HMCN1: variants seen among roughly 807,000 people sequenced by gnomAD.
The protein encoded by HMCN1 is hemicentin 1, also known as hemicentin-1.
A neutral mutation model predicts 625.9 loss-of-function variants in HMCN1; 321 were observed. That is an observed-to-expected ratio of 0.51 (90% CI 0.47 to 0.56). HMCN1 has a LOEUF of 0.56. Among genes scored for constraint, HMCN1 ranks in the 20% least tolerant of loss-of-function variants. The probability of loss-of-function intolerance (pLI) is 0.00; values close to 1 mark genes in which losing one functional copy is unlikely to be tolerated. For synonymous variants in HMCN1, 2,425 were observed against 2,417.6 expected (o/e 1.00, Z -0.09); for missense variants, 6,588 against 6,887.3 (o/e 0.96, Z 1.54).
At chr1:186,019,390 T>TAA (rs1654567017) in intron 34 of HMCN1, 151 bp from the exon 35 acceptor site, 1 of 645,766 alleles carries the variant, frequency 1.5e-6, no homozygotes, top group Non-Finnish European at 2.7e-6. Flanking sequence ...AATTATAAAT[T>TAA]AAATGCACAT....
chr1:185,883,908 T>C (rs988638707), intron 4 of HMCN1, among the ~76,000 whole-genome samples: 7 of 142,306 alleles, frequency 4.9e-5, no homozygotes, highest in African/African-American at 1.8e-4. Flanking sequence ...TTTTTTTTGC[T>C]TTTTAGTATG....
chr1:186,023,697 A>G (rs139558761), intron 36 of HMCN1, among the ~76,000 whole-genome samples: 81 of 152,316 alleles, frequency 5.3e-4, no homozygotes, highest in African/African-American at 1.8e-3. Flanking sequence ...AAAGGCCAAT[A>G]ATTAGAGGGT....
chr1:186,117,199 CTTT>C, intron 76 of HMCN1, 84 bp downstream of exon 76: 1 of 1,257,174 alleles, frequency 8.0e-7, no homozygotes, highest in African/African-American at 1.6e-5. Flanking sequence ...GATCCCTTTT[CTTT>C]TTTTTTTTAA....
chr1:185,965,206 A>G (rs1480145083), intron 13 of HMCN1, among the ~76,000 whole-genome samples: 5 of 152,150 alleles, frequency 3.3e-5, no homozygotes, highest in Non-Finnish European at 5.9e-5. Context: ...GAGAATGTCT[A>G]TATTTAGCAT....
chr1:185,774,579 G>A (rs945461005), intron 1 of HMCN1, among the ~76,000 whole-genome samples: 12 of 152,146 alleles, frequency 7.9e-5, no homozygotes, highest in African/African-American at 2.2e-4. Flanking sequence ...GAATTGCTGA[G>A]CTGTTGGAGA....
intron 6 of HMCN1, among the ~76,000 whole-genome samples, chr1:185,919,613 G>A (rs1248876968): frequency 6.6e-6 from 1 of 152,028 alleles, no homozygotes; most frequent in African/African-American, 2.4e-5. Flanking sequence ...TCCTCCTATT[G>A]TGTAAAGCAG....
intron 1 of HMCN1, among the ~76,000 whole-genome samples, chr1:185,750,027 A>G (rs1654687989): frequency 6.6e-6 from 1 of 152,204 alleles, no homozygotes; most frequent in African/African-American, 2.4e-5. Context: ...AGTCCTGCAC[A>G]TGAATCTGTC....
intron 48 of HMCN1, 35 bp downstream of exon 48, chr1:186,062,635 C>T (rs1455509815): frequency 2.9e-6 from 4 of 1,362,774 alleles, no homozygotes; most frequent in Admixed American, 3.4e-5. Context: ...TGGTGCTCCC[C>T]CCACTCACTG....
rs74134355 is a variant in HMCN1, at chr1:185,896,965, A to C, written c.622-12372A>C. ...ATTTTCTCTTTTCCTTTAATTGGCA[A>C]AGTATTGATTTTTTAAGGTGATGCC... On this transcript the variant is annotated intron_variant, in intron 4 of 106. Coordinates refer to ENST00000271588, the MANE Select transcript of HMCN1 (RefSeq NM_031935.3). Among the ~76,000 whole-genome samples the C allele has an allele frequency of 7.6e-3, 1,156 of 152,302 alleles. 14 individuals are homozygous for C. Among genetic ancestry groups the C allele is most frequent in the African/African-American group, 0.025 (1,039 of 41,562 alleles).
At position 186,057,245 on chromosome 1, in the gene HMCN1, A is replaced by G. The variant is rs1167111929; in HGVS notation, c.7156A>G (p.Ile2386Val). 6 of 1,611,226 alleles carry G rather than the reference A, an allele frequency of 3.7e-6. No individual in the cohort carries two copies. The Admixed American group carries it at 5.0e-5, about 13-fold the overall frequency. ...YDLSVHAPPS[I>V]IGNHRSPENI... The stretch of plus-strand genomic sequence containing the variant: ...ATTTTGTCTTACAGCTCCTCCAAGC[A>G]TCATAGGAAACCACAGGTCACCTGA... The change falls in exon 46 of 107, where the codon ATC becomes GTC. Residue 2386 changes from isoleucine to valine, a missense_variant. Physicochemically the swap from Ile to Val is conservative, Grantham distance 29 (BLOSUM62 3). This residue lies in a region of HMCN1 where 4,628 missense variants were observed against 4,853.1 expected (regional missense o/e 0.95). Coordinates refer to ENST00000271588, the MANE Select transcript of HMCN1 (RefSeq NM_031935.3).
chr1:186,057,862 C>T (rs1657443801), intron 46 of HMCN1, among the ~76,000 whole-genome samples: 1 of 151,940 alleles, frequency 6.6e-6, no homozygotes, highest in Non-Finnish European at 1.5e-5. Context: ...ACTTTATTTT[C>T]AAGAGATATT....
rs144782511 is a variant in HMCN1 at position 186,037,156 on chromosome 1, G to GT, written c.5750-768dup. Among the ~76,000 whole-genome samples, 758 of 147,172 alleles carry GT rather than the reference G, an allele frequency of 5.2e-3. 1 individual carries two copies. The highest frequency in any genetic ancestry group is 0.015 in the African/African-American group (602 of 40,326). On this transcript the variant is annotated intron_variant, in intron 36 of 106. Transcript: ENST00000271588. ...TAAATGTAGCAAATCCTTAAAATGTGTTTTTTTTTTCTATCAACTTCAGAT... is the reference window on the plus strand; with the variant it reads ...TAAATGTAGCAAATCCTTAAAATGTGTTTTTTTTTTTCTATCAACTTCAGAT...
chr1:185,946,490 A>T (rs1668353700), intron 11 of HMCN1, among the ~76,000 whole-genome samples: 1 of 152,202 alleles, frequency 6.6e-6, no homozygotes, highest in South Asian at 2.1e-4. Context: ...TTCTAAGCCA[A>T]ATGGGAAGGC....
intron 4 of HMCN1, among the ~76,000 whole-genome samples, chr1:185,902,975 A>G (rs760534671): frequency 2.0e-5 from 3 of 151,690 alleles, no homozygotes; most frequent in African/African-American, 7.2e-5. Context: ...ACAAGCAAGC[A>G]AAAAACCCAA....
At chr1:185,949,970 G>T (rs1233763457) in intron 11 of HMCN1, among the ~76,000 whole-genome samples, 1 of 151,778 alleles carries the variant, frequency 6.6e-6, no homozygotes, top group Admixed American at 6.6e-5. Flanking sequence ...CTAAGAGGCG[G>T]GCTAGTGGCT....
chr1:185,874,717 G>GA (rs1331397796), intron 4 of HMCN1, among the ~76,000 whole-genome samples: 4 of 151,272 alleles, frequency 2.6e-5, no homozygotes, highest in African/African-American at 7.3e-5. Flanking sequence ...GAAGAGAAAG[G>GA]AAAAAAAATT....
intron 34 of HMCN1, 46 bp downstream of exon 34, chr1:186,018,398 T>C: frequency 6.6e-7 from 1 of 1,510,688 alleles, no homozygotes. Context: ...AATTAATTTA[T>C]GCATTGTTTT....
chr1:185,989,640 A>G lies in HMCN1; in HGVS notation c.3201A>G (p.Thr1067=). Residue 1067 remains threonine (T), a synonymous_variant, in exon 21 of 107, where the codon ACA becomes ACG. Transcript: ENST00000271588. ...ACGCCAAAAGGAAAGTGCAGCTAAC[A>G]GTCTATGGTGAGAGCTGGTGGAGGA... is the stretch of plus-strand genomic sequence containing the variant. ...AGYAKRKVQL[T]VYVRPRVFGD... 6.2e-7 allele frequency: 1 copy of G among 1,614,034 alleles called. No homozygotes were observed. The highest frequency in any genetic ancestry group is 1.1e-5 in the South Asian group (1 of 91,074).
At chr1:185,812,566 A>G (rs538307115) in intron 1 of HMCN1, among the ~76,000 whole-genome samples, 1 of 152,318 alleles carries the variant, frequency 6.6e-6, no homozygotes, top group South Asian at 2.1e-4. Context: ...TCTGCTTCAC[A>G]TGTACAAAGC....
Sources: allele counts gnomAD v4.1 joint callset (sites outside exome capture counted in the v4.1 genomes callset), GRCh38; gene constraint gnomAD v4.1.1; regional missense constraint gnomAD v4.1.1; transcripts MANE v1.5; gene names NCBI Gene and HGNC (gene_info 2026-07-23, HGNC 2026-07-21).